The following TBCD variants were observed in gnomAD, a reference collection of about 807,000 sequenced individuals.
TBCD encodes the protein tubulin-specific chaperone D.
Under a neutral mutation model 169.3 loss-of-function variants are expected in TBCD, and 105 were observed. The ratio of observed to expected loss-of-function variants is 0.62; its 90% CI spans 0.53 to 0.73. The LOEUF (loss-of-function observed/expected upper bound fraction) is 0.73, where lower values mean the gene tolerates loss of function less well. TBCD is among the 30% of genes least tolerant of loss of function. TBCD has a pLI of 0.00. For synonymous variants in TBCD, 700 were observed against 643.9 expected, an observed-to-expected ratio of 1.09 and a Z score of -1.32; for missense variants, 1,444 against 1,600.1, an observed-to-expected ratio of 0.90 and a Z score of 1.66.
In TBCD at chr17:82,939,371, G is replaced by A. The variant is rs754043602; in HGVS notation, c.3374G>A (p.Arg1125Gln). Residue 1125 changes from arginine to glutamine, a missense_variant, in exon 37 of 39, where the codon CGG becomes CAG. Coordinates refer to ENST00000355528, the MANE Select transcript of TBCD (RefSeq NM_005993.5). ...TGCACTGCATCCCTGTCCCAGATCC[G>A]GAAGACCACGGCCAGCCAGGTGTAC... ...LLLCHRFPLI[R>Q]KTTASQVYET... The A allele has an allele frequency of 2.5e-6, 4 of 1,611,092 alleles. No homozygotes were observed. The highest frequency in any genetic ancestry group is 3.4e-6 in the Non-Finnish European group (4 of 1,179,280).
At chr17:82,778,275 G>A (rs2048726628) in intron 6 of TBCD, among the ~76,000 whole-genome samples, 1 of 152,044 alleles carries the variant, frequency 6.6e-6, no homozygotes, top group African/African-American at 2.4e-5. Flanking sequence ...GTGGCTTGCC[G>A]CCCACAGTAT....
intron 13 of TBCD, among the ~76,000 whole-genome samples, chr17:82,818,066 A>G (rs961521499): frequency 6.6e-6 from 1 of 152,198 alleles, no homozygotes; most frequent in African/African-American, 2.4e-5. Context: ...GTGCTCTGTC[A>G]TGTCTTATGG....
intron 5 of TBCD, among the ~76,000 whole-genome samples, chr17:82,771,047 CAAA>C (rs36015818): frequency 0.016 from 625 of 38,582 alleles, 2 homozygotes; most frequent in African/African-American, 0.039. Flanking sequence ...GACTCCGTCT[CAAA>C]AAAAAAAAAA....
At position 82,806,141 on chromosome 17, in the gene TBCD, T is replaced by C; in HGVS notation, c.1087+130T>C. ...CTGGCCACCCGTCCCCTTCGCTGAG[T>C]GCACGGTCACTGCCCGTCCTCTGGC... On this transcript the variant is annotated intron_variant, in intron 10 of 38. Coordinates refer to ENST00000355528, the MANE Select transcript of TBCD (RefSeq NM_005993.5). The surrounding 1 kb of genome is among the most constrained non-coding windows in gnomAD (Gnocchi z 5.1). 7.8e-7 allele frequency: 1 copy of C among 1,277,616 alleles called. No homozygotes were observed. Among genetic ancestry groups the C allele is most frequent in the East Asian group, 2.6e-5 (1 of 39,104 alleles). 79.1% of individuals were successfully genotyped at this position (1,277,616 alleles called of 1,614,324 possible). A position where few individuals can be genotyped will look rare whatever the true frequency, so the allele number is the denominator to read the frequency against.
In TBCD at chr17:82,932,510, T is replaced by G. The variant is rs1202271814; in HGVS notation, c.3114-148T>G. ...CTTGTTTCTTCTTTCCACAGTTGTT[T>G]TGTCTTTTCCTGAAGCTTTGCGTTT... On this transcript the variant is annotated intron_variant, in intron 33 of 38. Transcript: ENST00000355528. 9.9e-6 allele frequency: 7 copies of G among 708,656 alleles called. No homozygotes were observed. In the East Asian group the frequency reaches 1.9e-4, roughly 19 times the overall value. The allele number at this position is 708,656 out of a possible 1,614,324, so 43.9% of individuals were successfully genotyped here. A position where few individuals can be genotyped will look rare whatever the true frequency, so the allele number is the denominator to read the frequency against.
rs552178489 is a variant in TBCD, at chr17:82,884,923, C to G, written c.1533+721C>G. 1 of 152,234 alleles carries G rather than the reference C, an allele frequency of 6.6e-6. No individual in the cohort carries two copies. Among genetic ancestry groups the G allele is most frequent in the Non-Finnish European group, 1.5e-5 (1 of 68,136 alleles). The allele number at this position is 152,234 out of a possible 1,614,324, so 9.4% of individuals were successfully genotyped here. A position where few individuals can be genotyped will look rare whatever the true frequency, so the allele number is the denominator to read the frequency against. On this transcript the variant is annotated intron_variant, in intron 15 of 38. Transcript: ENST00000355528. The surrounding 1 kb of genome is among the most constrained non-coding windows in gnomAD (Gnocchi z 4.2). ...TTTCAGATACAGATAAGACGCTGAA[C>G]ACGTTTTAAGAGGGTAAGAACAGAG...
chr17:82,936,181 G>A (rs1201094434), intron 34 of TBCD, among the ~76,000 whole-genome samples: 2 of 152,276 alleles, frequency 1.3e-5, no homozygotes, highest in South Asian at 2.1e-4. Flanking sequence ...ATTTTCACAC[G>A]TCTTTTCCCT....
At chr17:82,912,714 T>C (rs1003537173) in intron 23 of TBCD, among the ~76,000 whole-genome samples, 1 of 152,234 alleles carries the variant, frequency 6.6e-6, no homozygotes, top group Non-Finnish European at 1.5e-5. Flanking sequence ...ATGTCAGGGC[T>C]GTACCAGCCT....
Position 82,752,356 on chromosome 17 carries a change from G to A in TBCD, c.163G>A (p.Val55Met). The change falls in exon 1 of 39, where the codon GTG (valine) becomes ATG (methionine). Residue 55 changes from valine to methionine, a missense_variant. Coordinates refer to ENST00000355528, the MANE Select transcript of TBCD (RefSeq NM_005993.5). Reference protein sequence around the residue: ...EVHGGGAEREVALERFRVIMD... With the variant: ...EVHGGGAEREMALERFRVIMD... ...GCACGGCGGCGGCGCGGAGCGCGAGGTGGCCCTGGAGCGGTTCCGCGGTGC... is the reference window on the plus strand; with the variant it reads ...GCACGGCGGCGGCGCGGAGCGCGAGATGGCCCTGGAGCGGTTCCGCGGTGC... The A allele has an allele frequency of 7.2e-7, 1 of 1,397,980 alleles. No individual in the cohort carries two copies. The highest frequency in any genetic ancestry group is 1.6e-5 in the South Asian group (1 of 63,502). The allele number at this position is 1,397,980 out of a possible 1,614,324, so 86.6% of individuals were successfully genotyped here.
At position 82,893,231 on chromosome 17, in the gene TBCD, C is replaced by T. The variant is rs80041872; in HGVS notation, c.1564-316C>T. On this transcript the variant is annotated intron_variant, in intron 16 of 38. Coordinates refer to ENST00000355528, the MANE Select transcript of TBCD (RefSeq NM_005993.5). Reference sequence around the variant, plus strand: ...TGTAACACTGTTGAGACCTGAAGACCGTTTACGGTGTATGTTTTCGGGAAA... The same window carrying T: ...TGTAACACTGTTGAGACCTGAAGACTGTTTACGGTGTATGTTTTCGGGAAA... The T allele has an allele frequency of 8.8e-3, 3,294 of 375,488 alleles. 103 individuals carry two copies. Among genetic ancestry groups the T allele is most frequent in the African/African-American group, 0.062 (3,009 of 48,226 alleles). 23.3% of individuals were successfully genotyped at this position (375,488 alleles called of 1,614,324 possible).
At chr17:82,764,138 G>A (rs2047908541) in intron 3 of TBCD, 76 bp downstream of exon 3, 2 of 1,151,010 alleles carry the variant, frequency 1.7e-6, no homozygotes, top group Non-Finnish European at 2.5e-6. Context: ...CCTCCAAAAT[G>A]TTATTTCTCA....
In TBCD at chr17:82,874,764, C is replaced by T. The variant is rs893984275; in HGVS notation, c.1475+4384C>T. ...CCTCCCTGCCCAGGAGCCCTGCGCA[C>T]CCGGGTATCGGTTGGGGTGTGCCCT... On this transcript the variant is annotated intron_variant, in intron 14 of 38. Transcript: ENST00000355528. The surrounding 1 kb of genome is among the most constrained non-coding windows in gnomAD (Gnocchi z 5.0). Among the ~76,000 whole-genome samples the T allele has an allele frequency of 3.3e-5, 5 of 152,242 alleles. No homozygotes were observed. The highest frequency in any genetic ancestry group is 4.8e-5 in the African/African-American group (2 of 41,460).
chr17:82,871,878 CG>C (rs2057591306), intron 14 of TBCD, among the ~76,000 whole-genome samples: 1 of 152,144 alleles, frequency 6.6e-6, no homozygotes, highest in African/African-American at 2.4e-5. Flanking sequence ...CTCACGCACC[CG>C]GGTGTAAGCG....
At chr17:82,860,233 C>G (rs912122371) in intron 13 of TBCD, among the ~76,000 whole-genome samples, 6 of 152,246 alleles carry the variant, frequency 3.9e-5, no homozygotes, top group African/African-American at 1.4e-4. Context: ...CGAGTGCCAG[C>G]GCACAGTGTT....
At chr17:82,816,738 A>G (rs1598680702) in intron 13 of TBCD, among the ~76,000 whole-genome samples, 1 of 150,474 alleles carries the variant, frequency 6.6e-6, no homozygotes, top group Non-Finnish European at 1.5e-5. Flanking sequence ...GGGCTTCACC[A>G]CATTGCCCAG....
At chr17:82,925,739 A>G (rs928386439) in intron 27 of TBCD, among the ~76,000 whole-genome samples, 6 of 152,210 alleles carry the variant, frequency 3.9e-5, no homozygotes, top group Non-Finnish European at 5.9e-5. Flanking sequence ...TATCCAGTTG[A>G]AACACAGATA....
intron 33 of TBCD, chr17:82,932,260 A>G (rs890867520): frequency 1.6e-5 from 5 of 320,774 alleles, no homozygotes; most frequent in Admixed American, 4.9e-5. Context: ...GGTTTCTTAC[A>G]TGGTATAGCG....
At chr17:82,877,507 G>A (rs1217998319) in intron 14 of TBCD, among the ~76,000 whole-genome samples, 1 of 151,970 alleles carries the variant, frequency 6.6e-6, no homozygotes, top group Non-Finnish European at 1.5e-5. Context: ...CCCCGATTAA[G>A]TTTTTTGTAT....
chr17:82,874,592 G>A lies in TBCD; in HGVS notation c.1475+4212G>A, dbSNP rs977216770. Among the ~76,000 whole-genome samples, 6 of 152,148 alleles carry A rather than the reference G, an allele frequency of 3.9e-5. No homozygotes were observed. The highest frequency in any genetic ancestry group is 1.5e-5 in the Non-Finnish European group (1 of 68,020). On this transcript the variant is annotated intron_variant, in intron 14 of 38. Coordinates refer to ENST00000355528, the MANE Select transcript of TBCD (RefSeq NM_005993.5). This position sits in a 1 kb window ranked among gnomAD's most constrained non-coding sequence, Gnocchi z 5.0. ...CAAGGGTGCCCTTGGAGCCGTGCCCGCCGGCCTGGGTGTCAGGCTTGTCCA... is the reference window on the plus strand; with the variant it reads ...CAAGGGTGCCCTTGGAGCCGTGCCCACCGGCCTGGGTGTCAGGCTTGTCCA...
Sources: allele counts gnomAD v4.1 joint callset (sites outside exome capture counted in the v4.1 genomes callset), GRCh38; gene constraint gnomAD v4.1.1; non-coding constraint Gnocchi (gnomAD v3.1); transcripts MANE v1.5; gene names NCBI Gene and HGNC (gene_info 2026-07-23, HGNC 2026-07-21).